The following SGK1 variants were observed in gnomAD, a reference collection of about 807,000 sequenced individuals.
SGK1 encodes serine/threonine-protein kinase Sgk1.
SGK1 carries 26 observed loss-of-function variants against 64.2 expected under a neutral mutation model. The observed-to-expected ratio is 0.40, with a 90% confidence interval of 0.30 to 0.56. The LOEUF is 0.56. Ranked by LOEUF, SGK1 falls within the 20% of genes least tolerant of loss-of-function variation. The pLI is 0.38. For synonymous variants in SGK1, 265 were observed against 239.7 expected (o/e 1.11, Z -0.98); for missense variants, 519 against 645.6 (o/e 0.80, Z 2.12).
intron 2 of SGK1, among the ~76,000 whole-genome samples, chr6:134,243,552 A>C (rs1776479957): frequency 6.6e-6 from 1 of 152,134 alleles, no homozygotes; most frequent in South Asian, 2.1e-4. Context: ...TATTTTCAGT[A>C]GAGACGGGGT....
intron 3 of SGK1, among the ~76,000 whole-genome samples, chr6:134,201,668 TTC>T (rs1209025639): frequency 6.6e-6 from 1 of 152,138 alleles, no homozygotes; most frequent in Non-Finnish European, 1.5e-5. Flanking sequence ...GACCTATTAT[TTC>T]TTGTATTATT....
Position 134,268,775 on chromosome 6 carries a change from T to A in SGK1, c.70-6627A>T, listed in dbSNP as rs1328989277. Among the ~76,000 whole-genome samples, 2 of 144,932 alleles carry A rather than the reference T, an allele frequency of 1.4e-5. 1 individual carries two copies. Among genetic ancestry groups the A allele is most frequent in the Non-Finnish European group, 3.0e-5 (2 of 65,900 alleles). ...ACTTGGGGTTTATAGGAGACTGTTC[T>A]CCAAACCACACCAGACTTTTAGAAG... On this transcript the variant is annotated intron_variant, in intron 1 of 13. Transcript: ENST00000367858.
chr6:134,222,933 G>A (rs1023812105), intron 2 of SGK1, among the ~76,000 whole-genome samples: 5 of 152,272 alleles, frequency 3.3e-5, no homozygotes, highest in East Asian at 1.9e-4. Flanking sequence ...GGTTATCAAT[G>A]TATTTTCAAG....
intron 2 of SGK1, chr6:134,259,849 G>C (rs574613709): frequency 1.3e-5 from 2 of 152,244 alleles, no homozygotes; most frequent in East Asian, 3.9e-4. Context: ...ACCAACATCT[G>C]GCTAAAAAGC....
At chr6:134,204,415 T>C (rs1775734877) in intron 3 of SGK1, among the ~76,000 whole-genome samples, 1 of 143,216 alleles carries the variant, frequency 7.0e-6, no homozygotes, top group Admixed American at 7.2e-5. Context: ...TAAAAATGAG[T>C]ATGTCTATTG....
intron 2 of SGK1, among the ~76,000 whole-genome samples, chr6:134,257,892 C>T (rs1301407223): frequency 6.6e-6 from 1 of 152,152 alleles, no homozygotes; most frequent in African/African-American, 2.4e-5. Flanking sequence ...GGAGAGAACA[C>T]TGAGCAGGAC....
At chr6:134,284,295 T>C (rs1036082941) in intron 1 of SGK1, among the ~76,000 whole-genome samples, 2 of 151,324 alleles carry the variant, frequency 1.3e-5, no homozygotes, top group South Asian at 4.2e-4. Context: ...TTTCACCATG[T>C]TGAACAGGGT....
chr6:134,268,462 A>T (rs1360991994), intron 1 of SGK1, among the ~76,000 whole-genome samples: 2 of 152,214 alleles, frequency 1.3e-5, no homozygotes, highest in East Asian at 3.9e-4. Flanking sequence ...GCTGTGGCTC[A>T]TGCCTGTAAT....
In SGK1 at chr6:134,175,105, A is replaced by G. The variant is rs560300994; in HGVS notation, c.362-519T>C. 3.3e-5 allele frequency among the ~76,000 whole-genome samples: 5 copies of G among 152,028 alleles called. No homozygotes were observed. The South Asian group carries it at 6.2e-4, about 19-fold the overall frequency. On this transcript the variant is annotated intron_variant, in intron 3 of 13. Transcript: ENST00000367858. ...TGGCGCAGGGCCGTTATCAGTCTCCATCGGCTCCTGGGGCAGGAGAGAGAG... is the reference window on the plus strand; with the variant it reads ...TGGCGCAGGGCCGTTATCAGTCTCCGTCGGCTCCTGGGGCAGGAGAGAGAG...
rs1363280581 is a variant in SGK1, at chr6:134,174,586, G to C, written c.362C>G (p.Ala121Gly). ...ACCCATCCTCCTCTGCTTCATGAAA[G>C]CTGTGGATGAAGGAGGAGAAATAAA... The part of the protein sequence containing the change: ...PRTFWTNDDP[A>G]FMKQRRMGLN... The change falls in exon 4 of 14, where the codon GCT becomes GGT. Residue 121 changes from alanine (A) to glycine (G), a missense_variant and splice_region_variant. Transcript: ENST00000367858. The C allele has an allele frequency of 1.2e-6, 2 of 1,613,434 alleles. No homozygotes were observed. The highest frequency in any genetic ancestry group is 1.7e-6 in the Non-Finnish European group (2 of 1,179,332).
At position 134,169,685 on chromosome 6, in the gene SGK1, C is replaced by CA. The variant is rs1007021662; in HGVS notation, c.*582dup. ...AATTTTAGTTATTAACCGTATCTTACAAAAAAGTCTACACATAAATTTATC... is the reference window on the plus strand; with the variant it reads ...AATTTTAGTTATTAACCGTATCTTACAAAAAAAGTCTACACATAAATTTATC... On this transcript the variant is annotated 3_prime_UTR_variant, in exon 14 of 14. Coordinates refer to ENST00000367858, the MANE Select transcript of SGK1 (RefSeq NM_001143676.3). 3.3e-5 allele frequency: 5 copies of CA among 152,546 alleles called. No homozygotes were observed. Among genetic ancestry groups the CA allele is most frequent in the African/African-American group, 1.2e-4 (5 of 41,406 alleles). The allele number at this position is 152,546 out of a possible 1,614,324, so 9.4% of individuals were successfully genotyped here.
chr6:134,285,006 A>G (rs1777159963), intron 1 of SGK1, among the ~76,000 whole-genome samples: 1 of 152,136 alleles, frequency 6.6e-6, no homozygotes, highest in Admixed American at 6.6e-5. Flanking sequence ...ATGCATGTTC[A>G]TGTGTCTTTT....
chr6:134,265,934 C>T (rs1776848626), intron 1 of SGK1, among the ~76,000 whole-genome samples: 3 of 151,732 alleles, frequency 2.0e-5, no homozygotes, highest in Admixed American at 6.6e-5. Flanking sequence ...TGAGCTACCA[C>T]ATCCAGCCAC....
At chr6:134,301,538 CT>C (rs1777455120) in intron 1 of SGK1, among the ~76,000 whole-genome samples, 1 of 46,932 alleles carries the variant, frequency 2.1e-5, no homozygotes, top group Admixed American at 2.4e-4. Context: ...CTTTTCTTCT[CT>C]TCTCTTCTCT....
At chr6:134,213,548 A>ATAAATAAAT (rs1562252878) in intron 2 of SGK1, among the ~76,000 whole-genome samples, 8 of 140,450 alleles carry the variant, frequency 5.7e-5, no homozygotes, top group African/African-American at 7.6e-5. Flanking sequence ...TAAATAAATA[A>ATAAATAAAT]AATGTCCTCA....
At chr6:134,193,263 T>C (rs1042025611) in intron 3 of SGK1, among the ~76,000 whole-genome samples, 2 of 152,200 alleles carry the variant, frequency 1.3e-5, no homozygotes, top group Non-Finnish European at 2.9e-5. Flanking sequence ...TCACTAAAAA[T>C]GGTAGCTAGG....
chr6:134,287,387 A>G (rs1210042930), intron 1 of SGK1, among the ~76,000 whole-genome samples: 1 of 151,242 alleles, frequency 6.6e-6, no homozygotes, highest in Non-Finnish European at 1.5e-5. Flanking sequence ...TTTTTGTTAT[A>G]AATTAATTGT....
At position 134,261,899 on chromosome 6, in the gene SGK1, C is replaced by G. The variant is rs373478767; in HGVS notation, c.285+34G>C. The G allele has an allele frequency of 1.1e-5, 16 of 1,511,460 alleles. No individual in the cohort carries two copies. In the East Asian group the frequency reaches 1.1e-4, roughly 11 times the overall value. The allele number at this position is 1,511,460 out of a possible 1,614,324, so 93.6% of individuals were successfully genotyped here. On this transcript the variant is annotated intron_variant, in intron 2 of 13. Transcript: ENST00000367858. The stretch of plus-strand genomic sequence containing the variant: ...GAAAAACAAAGGCCCAGAATTTTTC[C>G]AGGAGAATAGATCCAGAGCGAACAT...
chr6:134,244,197 C>T (rs1336910692), intron 2 of SGK1, among the ~76,000 whole-genome samples: 1 of 148,534 alleles, frequency 6.7e-6, no homozygotes, highest in African/African-American at 2.5e-5. Flanking sequence ...TGTTCAACTA[C>T]CATTTATGAG....
Sources: allele counts gnomAD v4.1 joint callset (sites outside exome capture counted in the v4.1 genomes callset), GRCh38; gene constraint gnomAD v4.1.1; transcripts MANE v1.5; gene names NCBI Gene and HGNC (gene_info 2026-07-23, HGNC 2026-07-21).